The following KCNH5 variants were observed in gnomAD, a reference collection of about 807,000 sequenced individuals.
The protein encoded by KCNH5 is voltage-gated delayed rectifier potassium channel KCNH5.
A neutral mutation model predicts 96.1 loss-of-function variants in KCNH5; 46 were observed. The ratio of observed to expected loss-of-function variants is 0.48; its 90% CI spans 0.38 to 0.61. The LOEUF (loss-of-function observed/expected upper bound fraction) is 0.61, where lower values mean the gene tolerates loss of function less well. Among genes scored for constraint, KCNH5 ranks in the 20% least tolerant of loss-of-function variants. The probability of loss-of-function intolerance (pLI) is 0.00; values close to 1 mark genes in which losing one functional copy is unlikely to be tolerated. For missense variants in KCNH5, 907 were observed against 1,225.8 expected, an observed-to-expected ratio of 0.74 and a Z score of 3.88; for synonymous variants, 439 against 449.8, an observed-to-expected ratio of 0.98 and a Z score of 0.30.
At chr14:62,873,162 AAG>A (rs1335422198) in intron 7 of KCNH5, among the ~76,000 whole-genome samples, 36 of 149,370 alleles carry the variant, frequency 2.4e-4, no homozygotes, top group African/African-American at 8.3e-4. Flanking sequence ...AAAAAAAAAA[AAG>A]AAGAAGAAGA....
At chr14:62,799,704 T>TA (rs1424695702) in intron 9 of KCNH5, among the ~76,000 whole-genome samples, 1 of 102,354 alleles carries the variant, frequency 9.8e-6, no homozygotes, top group Non-Finnish European at 2.0e-5. Flanking sequence ...TATATATATA[T>TA]ATATATATAT....
intron 7 of KCNH5, among the ~76,000 whole-genome samples, chr14:62,904,860 A>T (rs915270472): frequency 5.9e-5 from 9 of 152,164 alleles, no homozygotes; most frequent in African/African-American, 1.9e-4. Flanking sequence ...CCTACCACCA[A>T]TGTTAATAGC....
At chr14:63,034,524 C>T (rs1310149465) in intron 1 of KCNH5, among the ~76,000 whole-genome samples, 2 of 152,212 alleles carry the variant, frequency 1.3e-5, no homozygotes, top group East Asian at 3.8e-4. Flanking sequence ...TGCAGACATA[C>T]TTCGTACCTT....
At chr14:63,005,748 T>C (rs911349610) in intron 3 of KCNH5, among the ~76,000 whole-genome samples, 1 of 152,206 alleles carries the variant, frequency 6.6e-6, no homozygotes, top group Non-Finnish European at 1.5e-5. Flanking sequence ...AAAGTCTATA[T>C]CACCAGATAT....
At chr14:62,810,800 C>A (rs902075234) in intron 8 of KCNH5, among the ~76,000 whole-genome samples, 13 of 152,186 alleles carry the variant, frequency 8.5e-5, no homozygotes, top group African/African-American at 2.4e-4. Context: ...TATGGAGTAG[C>A]CATTCTTTCA....
intron 7 of KCNH5, among the ~76,000 whole-genome samples, chr14:62,867,225 AC>A (rs1415651724): frequency 6.6e-6 from 1 of 152,178 alleles, no homozygotes; most frequent in Non-Finnish European, 1.5e-5. Flanking sequence ...GCACATAGAT[AC>A]GTGATAAGTA....
At chr14:62,845,595 C>T (rs913665297) in intron 8 of KCNH5, among the ~76,000 whole-genome samples, 33 of 152,258 alleles carry the variant, frequency 2.2e-4, no homozygotes, top group African/African-American at 7.5e-4. Flanking sequence ...CCAGGGAAGA[C>T]ATGATGGTGA....
At chr14:62,855,664 C>A (rs2140052021) in intron 7 of KCNH5, among the ~76,000 whole-genome samples, 1 of 152,150 alleles carries the variant, frequency 6.6e-6, no homozygotes, top group Admixed American at 6.5e-5. Flanking sequence ...CACATCACAG[C>A]CCAAGAGAAT....
chr14:63,018,550 C>T (rs751848928), intron 1 of KCNH5, among the ~76,000 whole-genome samples: 2 of 151,950 alleles, frequency 1.3e-5, no homozygotes, highest in African/African-American at 2.4e-5. Context: ...GCTTGAAAAA[C>T]ACCTCAAGCC....
intron 7 of KCNH5, among the ~76,000 whole-genome samples, chr14:62,932,802 A>G (rs1194366413): frequency 2.0e-5 from 3 of 152,172 alleles, no homozygotes; most frequent in African/African-American, 4.8e-5. Context: ...GAACAGTTCC[A>G]TTAGAAGTTC....
intron 4 of KCNH5, among the ~76,000 whole-genome samples, chr14:62,996,432 T>C (rs1890907066): frequency 6.6e-6 from 1 of 152,186 alleles, no homozygotes; most frequent in Non-Finnish European, 1.5e-5. Flanking sequence ...TCTAATGCTT[T>C]TCACAATGGG....
At chr14:62,837,781 T>C (rs775565206) in intron 8 of KCNH5, among the ~76,000 whole-genome samples, 1 of 152,186 alleles carries the variant, frequency 6.6e-6, no homozygotes, top group Non-Finnish European at 1.5e-5. Flanking sequence ...TGTAAAATTA[T>C]GTGACAGTTG....
At chr14:62,814,840 T>C (rs1315196744) in intron 8 of KCNH5, among the ~76,000 whole-genome samples, 1 of 124,950 alleles carries the variant, frequency 8.0e-6, no homozygotes, top group African/African-American at 3.1e-5. Flanking sequence ...GAAGTGGGAG[T>C]GAGGTGCTTT....
At chr14:62,741,964 G>A (rs1288216997) in intron 10 of KCNH5, among the ~76,000 whole-genome samples, 2 of 152,080 alleles carry the variant, frequency 1.3e-5, no homozygotes, top group African/African-American at 4.8e-5. Flanking sequence ...TTTAAATTCT[G>A]TTTCTGCTGC....
intron 8 of KCNH5, among the ~76,000 whole-genome samples, chr14:62,814,782 C>CGA (rs1886941854): frequency 3.0e-5 from 1 of 33,750 alleles, no homozygotes; most frequent in African/African-American, 1.5e-4. Flanking sequence ...GACTCCATCT[C>CGA]AAAAAAAAAA....
chr14:62,840,548 TTC>T (rs1274082429), intron 8 of KCNH5, among the ~76,000 whole-genome samples: 4 of 142,172 alleles, frequency 2.8e-5, no homozygotes, highest in Non-Finnish European at 6.1e-5. Context: ...TGTTTTGTTT[TTC>T]TTTTTTCTTT....
chr14:62,965,364 A>C (rs550949061), intron 6 of KCNH5, among the ~76,000 whole-genome samples: 1 of 152,090 alleles, frequency 6.6e-6, no homozygotes, highest in African/African-American at 2.4e-5. Context: ...GACTGGATTC[A>C]TTCTTAAAGG....
intron 8 of KCNH5, among the ~76,000 whole-genome samples, chr14:62,821,635 A>C (rs1887115261): frequency 6.6e-6 from 1 of 152,118 alleles, no homozygotes; most frequent in African/African-American, 2.4e-5. Flanking sequence ...ATGTCTTCAG[A>C]GCTGAAAACC....
At chr14:62,858,020 A>C (rs1399495798) in intron 7 of KCNH5, among the ~76,000 whole-genome samples, 1 of 152,232 alleles carries the variant, frequency 6.6e-6, no homozygotes, top group Non-Finnish European at 1.5e-5. Flanking sequence ...AATACTATTA[A>C]AGTTAACAAT....
Sources: gnomAD v4.1 joint callset for allele counts (sites outside exome capture counted in the v4.1 genomes callset) on GRCh38, gnomAD v4.1.1 for gene constraint, MANE v1.5 for transcripts, NCBI Gene and HGNC (gene_info 2026-07-23, HGNC 2026-07-21) for gene names.